The following BDKRB2 variants were observed in gnomAD, a reference collection of about 807,000 sequenced individuals.
BDKRB2 encodes B2 bradykinin receptor.
In BDKRB2, 6 loss-of-function variants were observed where a neutral mutation model predicts 4.0. That is an observed-to-expected ratio of 1.49 (90% CI 0.81 to 2.93). The LOEUF is 2.93. BDKRB2 is among the 30% of genes most tolerant of loss of function. The pLI is 0.00. For missense variants in BDKRB2, 478 were observed against 520.1 expected, an observed-to-expected ratio of 0.92 and a Z score of 0.79; for synonymous variants, 225 against 215.3, an observed-to-expected ratio of 1.05 and a Z score of -0.40.
chr14:96,240,382 C>T lies in BDKRB2; in HGVS notation c.75-21C>T. On this transcript the variant is annotated intron_variant, in intron 2 of 2. Coordinates refer to ENST00000554311, the MANE Select transcript of BDKRB2 (RefSeq NM_001379692.1). Reference sequence around the variant, plus strand: ...CCTTGTGACCCTGAGGGGTAACAGCCTCTTTTCCACTTTCTTTCAGCGCCG... The same window carrying T: ...CCTTGTGACCCTGAGGGGTAACAGCTTCTTTTCCACTTTCTTTCAGCGCCG... 7.7e-6 allele frequency: 11 copies of T among 1,422,126 alleles called. No individual in the cohort carries two copies. The Middle Eastern group carries it at 9.4e-4, about 122-fold the overall frequency. The allele number at this position is 1,422,126 out of a possible 1,614,324, so 88.1% of individuals were successfully genotyped here.
intron 2 of BDKRB2, among the ~76,000 whole-genome samples, chr14:96,237,464 A>G (rs139769307): frequency 6.6e-6 from 1 of 152,348 alleles, no homozygotes; most frequent in Non-Finnish European, 1.5e-5. Context: ...TGAAGGGAAG[A>G]GAGTTAAACA....
chr14:96,216,704 A>AAGAAGGAGG (rs1890426670), intron 1 of BDKRB2, among the ~76,000 whole-genome samples: 1 of 116,614 alleles, frequency 8.6e-6, no homozygotes, highest in East Asian at 3.0e-4. Context: ...AAGGAGGAGG[A>AAGAAGGAGG]AGGAGGAGGA....
intron 1 of BDKRB2, among the ~76,000 whole-genome samples, chr14:96,234,840 A>G (rs143070156): frequency 2.1e-4 from 32 of 152,332 alleles, no homozygotes; most frequent in African/African-American, 7.5e-4. Flanking sequence ...AACGCTGGAC[A>G]CGTCCCCCAT....
intron 2 of BDKRB2, chr14:96,239,521 A>G (rs1885210624): frequency 1.0e-6 from 1 of 985,282 alleles, no homozygotes; most frequent in South Asian, 4.7e-5. Context: ...GTTAAAGATG[A>G]GGTCACCAAC....
intron 1 of BDKRB2, among the ~76,000 whole-genome samples, chr14:96,208,026 G>A (rs1355539521): frequency 6.6e-6 from 1 of 152,192 alleles, no homozygotes; most frequent in African/African-American, 2.4e-5. Flanking sequence ...TCTTAGGAGA[G>A]TTCTACTGTT....
intron 1 of BDKRB2, chr14:96,214,717 TGGTGCCTTGCCCGGCTCACA>T (rs2139771028): frequency 6.6e-6 from 1 of 152,400 alleles, no homozygotes; most frequent in East Asian, 1.9e-4. Context: ...ACCTATGCAA[TGGTGCCTTGCCCGGCTCACA>T]GGTTATGAAA....
chr14:96,227,199 G>A (rs572406109), intron 1 of BDKRB2, among the ~76,000 whole-genome samples: 1 of 152,294 alleles, frequency 6.6e-6, no homozygotes, highest in African/African-American at 2.4e-5. Context: ...AAATTGTGAT[G>A]GAAACCGGAT....
Position 96,241,659 on chromosome 14 carries a change from C to A in BDKRB2, c.*155C>A, listed in dbSNP as rs991804346. On this transcript the variant is annotated 3_prime_UTR_variant, in exon 3 of 3. Transcript: ENST00000554311. ...ACACCGGAGACTAATTCCTGCCCTG[C>A]CCAATTTTGCAGGGAGCATGGCTGT... The A allele has an allele frequency of 5.3e-6, 7 of 1,311,148 alleles. No homozygotes were observed. The highest frequency in any genetic ancestry group is 4.0e-6 in the Non-Finnish European group (4 of 1,005,714). 81.2% of individuals were successfully genotyped at this position (1,311,148 alleles called of 1,614,324 possible).
chr14:96,234,418 C>T (rs1353214751), intron 1 of BDKRB2, among the ~76,000 whole-genome samples: 1 of 152,176 alleles, frequency 6.6e-6, no homozygotes, highest in South Asian at 2.1e-4. Context: ...CCCTCAGGCT[C>T]CTGCTGGGGC....
rs1566697002 is a variant in BDKRB2 at position 96,240,812 on chromosome 14, A to C, written c.484A>C (p.Thr162Pro). The C allele has an allele frequency of 6.4e-7, 1 of 1,553,198 alleles. No homozygotes were observed. The highest frequency in any genetic ancestry group is 1.9e-5 in the Admixed American group (1 of 51,844). ...CGACCGCTACCTGGCCCTGGTGAAA[A>C]CCATGTCCATGGGCCGGATGCGCGG... Reference protein sequence around the residue: ...SIDRYLALVKTMSMGRMRGVR... With the variant: ...SIDRYLALVKPMSMGRMRGVR... The change falls in exon 3 of 3, where the codon ACC becomes CCC. Residue 162 changes from threonine (T) to proline (P), a missense_variant. Coordinates refer to ENST00000554311, the MANE Select transcript of BDKRB2 (RefSeq NM_001379692.1).
Position 96,241,757 on chromosome 14 carries a change from A to G in BDKRB2, c.*253A>G, listed in dbSNP as rs200170958. ...AGCATTACTGTTCTTATTTGCTGCC[A>G]CACCTGAGCCAGCCTGCTCCTTCCC... is the stretch of plus-strand genomic sequence containing the variant. On this transcript the variant is annotated 3_prime_UTR_variant, in exon 3 of 3. Transcript: ENST00000554311. The G allele has an allele frequency of 2.3e-4, 97 of 416,930 alleles. No homozygotes were observed. Among genetic ancestry groups the G allele is most frequent in the African/African-American group, 1.8e-3 (90 of 49,060 alleles). The allele number at this position is 416,930 out of a possible 1,614,324, so 25.8% of individuals were successfully genotyped here. A position where few individuals can be genotyped will look rare whatever the true frequency, so the allele number is the denominator to read the frequency against.
Position 96,241,702 on chromosome 14 carries a change from A to C in BDKRB2, c.*198A>C. The C allele has an allele frequency of 2.0e-5, 17 of 855,684 alleles. No homozygotes were observed. Among genetic ancestry groups the C allele is most frequent in the Non-Finnish European group, 2.6e-5 (16 of 607,866 alleles). The allele number at this position is 855,684 out of a possible 1,614,324, so 53.0% of individuals were successfully genotyped here. A position where few individuals can be genotyped will look rare whatever the true frequency, so the allele number is the denominator to read the frequency against. Reference sequence around the variant, plus strand: ...ATGGCTGTGAGGATGGGGTGAACTCACGCACAGCCAAGGACTCCAAAATCA... The same window carrying C: ...ATGGCTGTGAGGATGGGGTGAACTCCCGCACAGCCAAGGACTCCAAAATCA... On this transcript the variant is annotated 3_prime_UTR_variant, in exon 3 of 3. Transcript: ENST00000554311.
chr14:96,210,184 T>C (rs895229710), intron 1 of BDKRB2, among the ~76,000 whole-genome samples: 1 of 152,128 alleles, frequency 6.6e-6, no homozygotes, highest in Non-Finnish European at 1.5e-5. Context: ...AAGGCAAAGA[T>C]CCTGGGGCCC....
chr14:96,216,015 A>G (rs1446346565), intron 1 of BDKRB2, among the ~76,000 whole-genome samples: 1 of 152,178 alleles, frequency 6.6e-6, no homozygotes, highest in East Asian at 1.9e-4. Context: ...TCTGCCAGAC[A>G]CAGGCCTGCA....
rs1173251670 is a variant in BDKRB2 at position 96,244,156 on chromosome 14, G to A, written c.*2652G>A. 5.0e-6 allele frequency: 2 copies of A among 398,480 alleles called. No homozygotes were observed. The highest frequency in any genetic ancestry group is 7.1e-5 in the East Asian group (2 of 28,092). The allele number at this position is 398,480 out of a possible 1,614,324, so 24.7% of individuals were successfully genotyped here. The stretch of plus-strand genomic sequence containing the variant: ...CTGTAGAGCATAATAAATGGATGAG[G>A]TTTTTGCATAGCTCTAGCATTTGTT... On this transcript the variant is annotated 3_prime_UTR_variant, in exon 3 of 3. Transcript: ENST00000554311.
At chr14:96,217,444 G>A (rs1365709958) in intron 1 of BDKRB2, among the ~76,000 whole-genome samples, 3 of 152,246 alleles carry the variant, frequency 2.0e-5, no homozygotes, top group Admixed American at 1.3e-4. Context: ...GGCCCAAAGA[G>A]TGAAAGCCAC....
intron 1 of BDKRB2, among the ~76,000 whole-genome samples, chr14:96,217,225 G>A (rs1890447902): frequency 6.6e-6 from 1 of 152,220 alleles, no homozygotes; most frequent in African/African-American, 2.4e-5. Flanking sequence ...TGAAGAAAAA[G>A]GACAGCATAT....
chr14:96,240,557 T>C lies in BDKRB2; in HGVS notation c.229T>C (p.Phe77Leu), dbSNP rs757903530. The C allele has an allele frequency of 1.2e-5, 19 of 1,578,790 alleles. No homozygotes were observed. Among genetic ancestry groups the C allele is most frequent in the Non-Finnish European group, 1.5e-5 (18 of 1,163,268 alleles). ...LFVLATLENI[F>L]VLSVFCLHKS... ...CGTGCTGGCCACCCTAGAGAACATC[T>C]TTGTCCTCAGCGTCTTCTGCCTGCA... The change falls in exon 3 of 3, where the codon TTT becomes CTT. Residue 77 changes from phenylalanine (F) to leucine (L), a missense_variant. By Grantham distance (22) the Phe-to-Leu change is conservative. Transcript: ENST00000554311.
At chr14:96,226,609 G>A (rs543394934) in intron 1 of BDKRB2, among the ~76,000 whole-genome samples, 8 of 152,110 alleles carry the variant, frequency 5.3e-5, no homozygotes, top group South Asian at 2.1e-4. Flanking sequence ...AGCCGAGATC[G>A]TGCCATTGCA....
Sources: gnomAD v4.1 joint callset for allele counts (sites outside exome capture counted in the v4.1 genomes callset) on GRCh38, gnomAD v4.1.1 for gene constraint, MANE v1.5 for transcripts, NCBI Gene and HGNC (gene_info 2026-07-23, HGNC 2026-07-21) for gene names.